Variants in OSBPL6 observed in about 807,000 individuals in gnomAD.
OSBPL6 encodes the protein oxysterol-binding protein-related protein 6.
OSBPL6 carries 49 observed loss-of-function variants against 125.8 expected under a neutral mutation model. The ratio of observed to expected loss-of-function variants is 0.39; its 90% CI spans 0.31 to 0.49. The LOEUF is 0.49. OSBPL6 is among the 20% of genes least tolerant of loss of function. The pLI, the probability that OSBPL6 is intolerant of heterozygous loss-of-function variation, is 0.88. For missense variants in OSBPL6, 986 were observed against 1,135.4 expected (o/e 0.87, Z 1.89); for synonymous variants, 394 against 391.8 (o/e 1.01, Z -0.07).
intron 11 of OSBPL6, among the ~76,000 whole-genome samples, chr2:178,340,605 A>C (rs1459395434): frequency 6.6e-6 from 1 of 152,034 alleles, no homozygotes; most frequent in African/African-American, 2.4e-5. Context: ...TCTCCTCCTA[A>C]ATGCATATTA....
chr2:178,340,659 T>A (rs575522777), intron 11 of OSBPL6, among the ~76,000 whole-genome samples: 2 of 152,208 alleles, frequency 1.3e-5, no homozygotes, highest in African/African-American at 4.8e-5. Context: ...ACTTTATGAT[T>A]TGACTTTTTA....
At chr2:178,259,722 A>G (rs1005833640) in intron 1 of OSBPL6, among the ~76,000 whole-genome samples, 3 of 152,224 alleles carry the variant, frequency 2.0e-5, no homozygotes, top group Non-Finnish European at 2.9e-5. Flanking sequence ...GAACCCAGGG[A>G]TGAACTAATT....
intron 1 of OSBPL6, among the ~76,000 whole-genome samples, chr2:178,261,686 T>C (rs890927290): frequency 2.0e-5 from 3 of 152,218 alleles, no homozygotes; most frequent in Non-Finnish European, 4.4e-5. Context: ...AGTACAGAAA[T>C]GGCTGGAGGC....
intron 1 of OSBPL6, among the ~76,000 whole-genome samples, chr2:178,284,077 A>T (rs62179163): frequency 0.13 from 19,510 of 152,170 alleles, 1,440 homozygotes; most frequent in Admixed American, 0.21. Context: ...TGTCAAGTTA[A>T]AAACTATATT....
intron 3 of OSBPL6, 149 bp from the exon 4 acceptor site, chr2:178,324,028 C>A: frequency 2.2e-6 from 1 of 452,236 alleles, no homozygotes; most frequent in Non-Finnish European, 3.9e-6. Flanking sequence ...ATTTTTCTGT[C>A]TGTTGCTGCT....
At chr2:178,194,088 C>T (rs957167522), upstream of OSBPL6, among the ~76,000 whole-genome samples, 1 of 152,226 alleles carries the variant, frequency 6.6e-6, no homozygotes, top group Admixed American at 6.5e-5. Context: ...GCGCTGGAGC[C>T]GTTCTGGGCA....
chr2:178,336,378 G>A lies in OSBPL6; in HGVS notation c.735G>A (p.Gln245=). The A allele has an allele frequency of 6.2e-6, 10 of 1,614,126 alleles. No individual in the cohort carries two copies. Among genetic ancestry groups the A allele is most frequent in the Non-Finnish European group, 7.6e-6 (9 of 1,180,014 alleles). ...TCCCTGCAACGTGCACAACTGGCCA[G>A]AGTAAAGTGGCAGCCTGGTTACAGG... is the stretch of plus-strand genomic sequence containing the variant. The part of the protein sequence containing the change: ...NSLPATCTTG[Q]SKVAAWLQDS... Residue 245 remains glutamine, a synonymous_variant, in exon 9 of 25, where the codon CAG becomes CAA. Coordinates refer to ENST00000190611, the MANE Select transcript of OSBPL6 (RefSeq NM_032523.4).
chr2:178,303,779 C>T (rs981405238), intron 2 of OSBPL6, among the ~76,000 whole-genome samples: 1 of 152,108 alleles, frequency 6.6e-6, no homozygotes, highest in South Asian at 2.1e-4. Flanking sequence ...CCTGCCTCCC[C>T]GACCATGTCC....
chr2:178,202,288 A>G (rs1022091951), intron 1 of OSBPL6, among the ~76,000 whole-genome samples: 2 of 152,038 alleles, frequency 1.3e-5, no homozygotes, highest in African/African-American at 4.8e-5. Flanking sequence ...TCTTAAAAGG[A>G]CTTTCTTTAA....
intron 4 of OSBPL6, among the ~76,000 whole-genome samples, chr2:178,325,068 A>T (rs898278821): frequency 2.0e-5 from 3 of 152,162 alleles, no homozygotes; most frequent in Admixed American, 1.3e-4. Context: ...TCTTCCTCAG[A>T]CTGGGGAAAA....
At chr2:178,311,908 A>C (rs1450484069) in intron 3 of OSBPL6, among the ~76,000 whole-genome samples, 1 of 152,242 alleles carries the variant, frequency 6.6e-6, no homozygotes, top group Non-Finnish European at 1.5e-5. Context: ...ATTCTTCTGC[A>C]CAGGTGTTAA....
chr2:178,295,039 A>G (rs1685622842), intron 2 of OSBPL6, among the ~76,000 whole-genome samples: 1 of 152,072 alleles, frequency 6.6e-6, no homozygotes, highest in Non-Finnish European at 1.5e-5. Flanking sequence ...TTTTAATGAA[A>G]CTAACATTAT....
In OSBPL6 at chr2:178,383,145, AGACCT is replaced by A. The variant is rs1237109307; in HGVS notation, c.1745_1749del (p.Asp582ValfsTer2). ...ATATCTTGAGGAACAACATTGGTAA[AGACCT>A]GTCTAAAGTCTCTATGCCTGTGGAG... On this transcript the variant is annotated frameshift_variant, in exon 17 of 25. Transcript: ENST00000190611. LOFTEE classifies it high-confidence loss of function. 1 of 1,614,072 alleles carries A rather than the reference AGACCT, an allele frequency of 6.2e-7. No individual in the cohort carries two copies. The highest frequency in any genetic ancestry group is 8.5e-7 in the Non-Finnish European group (1 of 1,180,052).
intron 2 of OSBPL6, among the ~76,000 whole-genome samples, chr2:178,303,436 A>C (rs1458572260): frequency 6.6e-6 from 1 of 152,208 alleles, no homozygotes; most frequent in Non-Finnish European, 1.5e-5. Context: ...ACAGGTGACC[A>C]TTAAAATCCT....
Position 178,373,770 on chromosome 2 carries a change from T to A in OSBPL6, c.1396-120T>A. 4 of 1,220,476 alleles carry A rather than the reference T, an allele frequency of 3.3e-6. No homozygotes were observed. In the South Asian group the frequency reaches 6.3e-5, roughly 19 times the overall value. The allele number at this position is 1,220,476 out of a possible 1,614,324, so 75.6% of individuals were successfully genotyped here. A position where few individuals can be genotyped will look rare whatever the true frequency, so the allele number is the denominator to read the frequency against. ...TCATTGCTGAATTGCAAGTGAAAAT[T>A]GCTTGTGGCTGCCACTTTTTAACAT... is the stretch of plus-strand genomic sequence containing the variant. On this transcript the variant is annotated intron_variant, in intron 14 of 24. Coordinates refer to ENST00000190611, the MANE Select transcript of OSBPL6 (RefSeq NM_032523.4).
At chr2:178,242,901 T>TAC (rs990819836) in intron 1 of OSBPL6, among the ~76,000 whole-genome samples, 10 of 152,196 alleles carry the variant, frequency 6.6e-5, no homozygotes, top group African/African-American at 1.7e-4. Flanking sequence ...AATATATATA[T>TAC]ACACACACAT....
At chr2:178,299,786 G>A (rs917021280) in intron 2 of OSBPL6, among the ~76,000 whole-genome samples, 2 of 152,170 alleles carry the variant, frequency 1.3e-5, no homozygotes, top group African/African-American at 4.8e-5. Flanking sequence ...CAAAGTAAAA[G>A]ATATGATTCC....
Position 178,400,887 on chromosome 2 carries a change from C to G in OSBPL6, c.*5328C>G, listed in dbSNP as rs965076782. On this transcript the variant is annotated 3_prime_UTR_variant, in exon 25 of 25. Transcript: ENST00000190611. Reference sequence around the variant, plus strand: ...TATGCACCCTCCCCTTCCATTACCCCAGTATCCGCCATCAAGTAGTAACAT... The same window carrying G: ...TATGCACCCTCCCCTTCCATTACCCGAGTATCCGCCATCAAGTAGTAACAT... The G allele has an allele frequency of 6.6e-6, 1 of 152,210 alleles. No individual in the cohort carries two copies. The highest frequency in any genetic ancestry group is 2.4e-5 in the African/African-American group (1 of 41,438). 9.4% of individuals were successfully genotyped at this position (152,210 alleles called of 1,614,324 possible).
At chr2:178,363,493 A>C (rs1692540055) in intron 13 of OSBPL6, among the ~76,000 whole-genome samples, 1 of 152,166 alleles carries the variant, frequency 6.6e-6, no homozygotes, top group Non-Finnish European at 1.5e-5. Context: ...ACCGTAGTAC[A>C]TTCAGAGCAG....
Sources: gnomAD v4.1 joint callset for allele counts (sites outside exome capture counted in the v4.1 genomes callset) on GRCh38, gnomAD v4.1.1 for gene constraint, MANE v1.5 for transcripts, NCBI Gene and HGNC (gene_info 2026-07-23, HGNC 2026-07-21) for gene names.